Variants in CCDC66 observed in about 807,000 individuals in gnomAD.
The protein encoded by CCDC66 is coiled-coil domain containing 66.
CCDC66 carries 133 observed loss-of-function variants against 128.3 expected under a neutral mutation model. The ratio of observed to expected loss-of-function variants is 1.04; its 90% CI spans 0.90 to 1.20. The LOEUF (loss-of-function observed/expected upper bound fraction) is 1.20. Ranked by LOEUF, CCDC66 falls within the 50% of genes most tolerant of loss-of-function variation. The pLI is 0.00. For synonymous variants in CCDC66, 387 were observed against 357.0 expected (o/e 1.08, Z -0.95); for missense variants, 1,126 against 1,075.5 (o/e 1.05, Z -0.66).
chr3:56,566,141 T>TTTTGTTTTG, intron 4 of CCDC66, among the ~76,000 whole-genome samples: 1 of 31,260 alleles, frequency 3.2e-5, no homozygotes, highest in African/African-American at 7.4e-5. Context: ...GTTTTGTTTT[T>TTTTGTTTTG]TTGAGACGAC....
intron 17 of CCDC66, 78 bp downstream of exon 17, chr3:56,619,979 T>G (rs201908546): frequency 2.1e-5 from 16 of 773,056 alleles, no homozygotes; most frequent in Non-Finnish European, 2.5e-5. Context: ...GAACGGTTTG[T>G]TTTAAGTTAC....
Position 56,563,947 on chromosome 3 carries a change from A to C in CCDC66, c.366A>C (p.Arg122Ser), listed in dbSNP as rs750778213. The change falls in exon 4 of 18, where the codon AGA (arginine) becomes AGC (serine). Residue 122 changes from arginine (R) to serine (S), a missense_variant. Arg to Ser is a moderately radical substitution (Grantham distance 110, BLOSUM62 -1). Coordinates refer to ENST00000394672, the MANE Select transcript of CCDC66 (RefSeq NM_001141947.3). ...SPATPNMQKT[R>S]NTVNTSLVGK... is the part of the protein sequence containing the mutation. Reference sequence around the variant, plus strand: ...CAACCCCTAATATGCAGAAGACTAGAAACACCGTAAATACATCTCTAGTAG... The same window carrying C: ...CAACCCCTAATATGCAGAAGACTAGCAACACCGTAAATACATCTCTAGTAG... The C allele has an allele frequency of 7.4e-6, 12 of 1,613,866 alleles. No homozygotes were observed. The South Asian group carries it at 1.3e-4, about 18-fold the overall frequency.
intron 13 of CCDC66, 138 bp from the exon 14 acceptor site, chr3:56,616,974 T>C: frequency 1.5e-6 from 1 of 671,552 alleles, no homozygotes; most frequent in Non-Finnish European, 2.4e-6. Context: ...TTAATGAGTA[T>C]AGAGGTTCGG....
intron 7 of CCDC66, among the ~76,000 whole-genome samples, chr3:56,575,302 G>A (rs780117473): frequency 6.6e-6 from 1 of 151,770 alleles, no homozygotes; most frequent in African/African-American, 2.4e-5. Flanking sequence ...GTTGTGAAAT[G>A]GTATCATTGT....
At chr3:56,559,546 G>A (rs2064826585) in intron 2 of CCDC66, 23 bp from the exon 3 acceptor site, 2 of 1,496,618 alleles carry the variant, frequency 1.3e-6, no homozygotes, top group African/African-American at 2.8e-5. Context: ...GGATAGTTTA[G>A]TAATTTCTTT....
At chr3:56,579,758 A>G (rs1396310459) in intron 7 of CCDC66, among the ~76,000 whole-genome samples, 1 of 151,854 alleles carries the variant, frequency 6.6e-6, no homozygotes, top group Admixed American at 6.6e-5. Context: ...GTTTGATTGC[A>G]CTGTAGTCTG....
chr3:56,582,853 TTATTA>T lies in CCDC66; in HGVS notation c.937-10115_937-10111del, dbSNP rs1559663066. Among the ~76,000 whole-genome samples the T allele has an allele frequency of 4.5e-4, 45 of 99,928 alleles. 2 individuals carry two copies. The South Asian group carries it at 5.1e-3, about 11-fold the overall frequency. The allele number at this position is 99,928 out of a possible 152,430, so 65.6% of individuals were successfully genotyped here. On this transcript the variant is annotated intron_variant, in intron 7 of 17. Coordinates refer to ENST00000394672, the MANE Select transcript of CCDC66 (RefSeq NM_001141947.3). ...TTTTTTGACTTCTCAACTTTCTTTA[TTATTA>T]TTATTATTATTATTATTATTATTAT...
intron 6 of CCDC66, chr3:56,569,376 T>C: frequency 3.1e-6 from 1 of 327,012 alleles, no homozygotes; most frequent in Non-Finnish European, 6.4e-6. Flanking sequence ...CTCAGGAAGC[T>C]TTTACTCACG....
At chr3:56,599,353 T>TA (rs1485333578) in intron 10 of CCDC66, among the ~76,000 whole-genome samples, 2 of 152,046 alleles carry the variant, frequency 1.3e-5, no homozygotes, top group African/African-American at 2.4e-5. Flanking sequence ...GTTTATCTTT[T>TA]AAAAAATCTT....
intron 10 of CCDC66, among the ~76,000 whole-genome samples, chr3:56,594,538 T>C (rs2071519626): frequency 6.6e-6 from 1 of 151,942 alleles, no homozygotes. Flanking sequence ...AAAAATTAGC[T>C]GGGCGTGGTG....
chr3:56,593,776 GA>G, intron 9 of CCDC66, 35 bp downstream of exon 9: 5 of 1,601,118 alleles, frequency 3.1e-6, no homozygotes, highest in Non-Finnish European at 4.3e-6. Flanking sequence ...TGACTTTTCA[GA>G]AAGTCTGTGT....
chr3:56,587,786 T>C (rs1418306956), intron 7 of CCDC66, among the ~76,000 whole-genome samples: 1 of 152,124 alleles, frequency 6.6e-6, no homozygotes, highest in East Asian at 1.9e-4. Context: ...GGAGAATTGC[T>C]TGAATCCAGG....
chr3:56,578,803 T>A lies in CCDC66; in HGVS notation c.936+7501T>A, dbSNP rs144237333. 1.3e-5 allele frequency among the ~76,000 whole-genome samples: 2 copies of A among 152,030 alleles called. 1 individual carries two copies. The highest frequency in any genetic ancestry group is 3.9e-4 in the East Asian group (2 of 5,066). On this transcript the variant is annotated intron_variant, in intron 7 of 17. Coordinates refer to ENST00000394672, the MANE Select transcript of CCDC66 (RefSeq NM_001141947.3). Reference sequence around the variant, plus strand: ...TAAGCTTTTTGATGTGCTGCTGGATTCGGTTTGCCAGTATTTTATTGAGGA... The same window carrying A: ...TAAGCTTTTTGATGTGCTGCTGGATACGGTTTGCCAGTATTTTATTGAGGA...
At chr3:56,612,869 G>A (rs1018927330) in intron 10 of CCDC66, among the ~76,000 whole-genome samples, 2 of 152,160 alleles carry the variant, frequency 1.3e-5, no homozygotes, top group Non-Finnish European at 2.9e-5. Context: ...ACCTGCCCCC[G>A]GGTTCCCAAG....
chr3:56,557,185 G>A lies in CCDC66; in HGVS notation c.-58G>A, dbSNP rs1326609342. On this transcript the variant is annotated 5_prime_UTR_variant, in exon 1 of 18. Coordinates refer to ENST00000394672, the MANE Select transcript of CCDC66 (RefSeq NM_001141947.3). ...GGCGTAGCGCTTGCTGAGCGGCGGC[G>A]GCAACCGACGTACACAAGGGGCTTG... 4.5e-6 allele frequency: 7 copies of A among 1,550,892 alleles called. No homozygotes were observed. Among genetic ancestry groups the A allele is most frequent in the Non-Finnish European group, 5.2e-6 (6 of 1,146,702 alleles).
chr3:56,618,111 T>A, intron 14 of CCDC66, 61 bp from the exon 15 acceptor site: 1 of 1,296,280 alleles, frequency 7.7e-7, no homozygotes, highest in Non-Finnish European at 1.1e-6. Context: ...CCTAAAAATA[T>A]TTGTGGGGAC....
At chr3:56,578,960 GATTGGAATAGTTTC>G (rs1245703584) in intron 7 of CCDC66, among the ~76,000 whole-genome samples, 2 of 151,780 alleles carry the variant, frequency 1.3e-5, no homozygotes, top group African/African-American at 4.8e-5. Context: ...TTTTTCTATT[GATTGGAATAGTTTC>G]AGAAGGAATG....
intron 10 of CCDC66, among the ~76,000 whole-genome samples, chr3:56,601,086 TA>T (rs1273418030): frequency 1.3e-5 from 2 of 152,148 alleles, no homozygotes; most frequent in Non-Finnish European, 2.9e-5. Flanking sequence ...GGTTTACTTC[TA>T]GGGTTTTTAT....
Position 56,596,187 on chromosome 3 carries a change from G to A in CCDC66, c.1404+2159G>A, listed in dbSNP as rs893937443. Among the ~76,000 whole-genome samples, 3 of 152,140 alleles carry A rather than the reference G, an allele frequency of 2.0e-5. No homozygotes were observed. The South Asian group carries it at 6.2e-4, about 32-fold the overall frequency. On this transcript the variant is annotated intron_variant, in intron 10 of 17. Transcript: ENST00000394672. The stretch of plus-strand genomic sequence containing the variant: ...TCCAACCTCAGCCTCCCAGAGTGCT[G>A]GGATTACAGGCATGAGCCACCGGGC...
Sources: allele counts gnomAD v4.1 joint callset (sites outside exome capture counted in the v4.1 genomes callset), GRCh38; gene constraint gnomAD v4.1.1; transcripts MANE v1.5; gene names NCBI Gene and HGNC (gene_info 2026-07-23, HGNC 2026-07-21).